BLOC1S3: variants seen among roughly 807,000 people sequenced by gnomAD.
BLOC1S3 encodes the protein biogenesis of lysosomal organelles complex 1 subunit 3, also known as biogenesis of lysosome-related organelles complex 1 subunit 3.
In BLOC1S3, 7 loss-of-function variants were observed where a neutral mutation model predicts 9.1. The observed-to-expected ratio is 0.77, with a 90% CI of 0.44 to 1.45. The LOEUF is 1.45. Ranked by LOEUF, BLOC1S3 falls within the 40% of genes most tolerant of loss-of-function variation. BLOC1S3 has a pLI of 0.01. For missense variants in BLOC1S3, 307 were observed against 315.2 expected (o/e 0.97, Z 0.20); for synonymous variants, 145 against 158.4 (o/e 0.92, Z 0.64).
intron 3 of BLOC1S3, among the ~76,000 whole-genome samples, chr19:45,208,723 C>G (rs1245188370): frequency 6.6e-6 from 1 of 150,932 alleles, no homozygotes; most frequent in Non-Finnish European, 1.5e-5. Flanking sequence ...CCATTGCACT[C>G]CAGCCTGGGC....
chr19:45,199,859 G>C (rs2122924002), intron 2 of BLOC1S3, among the ~76,000 whole-genome samples: 1 of 151,960 alleles, frequency 6.6e-6, no homozygotes, highest in Non-Finnish European at 1.5e-5. Flanking sequence ...TCCACTTCCT[G>C]CGTTCAATCA....
At chr19:45,199,860 C>T (rs917457755) in intron 2 of BLOC1S3, among the ~76,000 whole-genome samples, 2 of 151,702 alleles carry the variant, frequency 1.3e-5, no homozygotes, top group Non-Finnish European at 2.9e-5. Context: ...CCACTTCCTG[C>T]GTTCAATCAA....
chr19:45,210,083 A>G (rs1207506026), intron 3 of BLOC1S3, among the ~76,000 whole-genome samples: 1 of 152,146 alleles, frequency 6.6e-6, no homozygotes, highest in Non-Finnish European at 1.5e-5. Flanking sequence ...ATGCACATGA[A>G]AAACATCAGT....
At chr19:45,191,009 G>A (rs1969603328) in intron 2 of BLOC1S3, among the ~76,000 whole-genome samples, 2 of 150,530 alleles carry the variant, frequency 1.3e-5, no homozygotes, top group East Asian at 2.0e-4. Context: ...GTTTCACCAT[G>A]TTAGTCAGGA....
At chr19:45,205,265 A>G (rs1969718640) in intron 3 of BLOC1S3, among the ~76,000 whole-genome samples, 2 of 152,006 alleles carry the variant, frequency 1.3e-5, no homozygotes, top group Admixed American at 6.6e-5. Flanking sequence ...TCCCGGGTTC[A>G]AGCAATTCTC....
chr19:45,184,006 G>A (rs1969547809), downstream of BLOC1S3, among the ~76,000 whole-genome samples: 1 of 152,158 alleles, frequency 6.6e-6, no homozygotes, highest in South Asian at 2.1e-4. Context: ...TGGCAGCTTA[G>A]TGGTCTCATG....
At chr19:45,202,236 A>AG (rs1969697045) in intron 2 of BLOC1S3, among the ~76,000 whole-genome samples, 1 of 147,054 alleles carries the variant, frequency 6.8e-6, no homozygotes, top group Non-Finnish European at 1.5e-5. Flanking sequence ...AAAAAAAAAA[A>AG]AGACGTGCCT....
intron 2 of BLOC1S3, among the ~76,000 whole-genome samples, chr19:45,195,976 G>T (rs146992532): frequency 6.6e-6 from 1 of 152,110 alleles, no homozygotes; most frequent in African/African-American, 2.4e-5. Flanking sequence ...TTACTTATAC[G>T]GTGACCAAGC....
At chr19:45,209,512 C>T (rs917421937) in intron 3 of BLOC1S3, among the ~76,000 whole-genome samples, 3 of 152,140 alleles carry the variant, frequency 2.0e-5, no homozygotes, top group African/African-American at 7.2e-5. Context: ...AGCTCCGCCT[C>T]CCGGTTTCAC....
At chr19:45,200,248 C>T (rs1308562051) in intron 2 of BLOC1S3, among the ~76,000 whole-genome samples, 1 of 147,632 alleles carries the variant, frequency 6.8e-6, no homozygotes, top group East Asian at 2.0e-4. Flanking sequence ...GTGACACGAT[C>T]TCCGCTCACT....
At chr19:45,184,119 C>G (rs1011170297), downstream of BLOC1S3, among the ~76,000 whole-genome samples, 1 of 152,024 alleles carries the variant, frequency 6.6e-6, no homozygotes, top group Non-Finnish European at 1.5e-5. Flanking sequence ...TCCCTCCCTC[C>G]TTCCTTCCTT....
chr19:45,179,419 G>A lies in BLOC1S3; in HGVS notation c.123G>A (p.Leu41=), dbSNP rs1313411888. 1 of 1,546,612 alleles carries A rather than the reference G, an allele frequency of 6.5e-7. No individual in the cohort carries two copies. Among genetic ancestry groups the A allele is most frequent in the Non-Finnish European group, 8.7e-7 (1 of 1,153,752 alleles). The part of the protein sequence containing the change: ...ASSSEEEELY[L]GPSGPTRGRP... ...CGTCGGAGGAGGAGGAGCTGTACCT[G>A]GGTCCTTCGGGCCCGACGCGCGGCC... Residue 41 remains leucine (L), a synonymous_variant, in exon 2 of 2, where the codon CTG becomes CTA. Coordinates refer to ENST00000433642, the MANE Select transcript of BLOC1S3 (RefSeq NM_212550.5). The surrounding 1 kb of genome is among the most constrained non-coding windows in gnomAD (Gnocchi z 4.6).
chr19:45,213,915 C>T (rs1969806247), intron 3 of BLOC1S3, among the ~76,000 whole-genome samples: 1 of 152,010 alleles, frequency 6.6e-6, no homozygotes, highest in African/African-American at 2.4e-5. Context: ...GATCGCGCCA[C>T]TGCAGTCCAG....
At chr19:45,189,616 G>GTTTTTTTTTTTTTTTTTTTTT in intron 2 of BLOC1S3, among the ~76,000 whole-genome samples, 1 of 132,934 alleles carries the variant, frequency 7.5e-6, no homozygotes, top group Non-Finnish European at 1.6e-5. Context: ...TTTTTTTTTG[G>GTTTTTTTTTTTTTTTTTTTTT]TATTTTTTAG....
intron 3 of BLOC1S3, among the ~76,000 whole-genome samples, chr19:45,210,348 G>A (rs1406766744): frequency 8.3e-6 from 1 of 119,786 alleles, no homozygotes; most frequent in African/African-American, 3.3e-5. Flanking sequence ...CTCTTAGGCT[G>A]GAGTGCAGGG....
Position 45,179,768 on chromosome 19 carries a change from C to A in BLOC1S3, c.472C>A (p.His158Asn). 1 of 1,522,250 alleles carries A rather than the reference C, an allele frequency of 6.6e-7. No homozygotes were observed. Among genetic ancestry groups the A allele is most frequent in the Non-Finnish European group, 8.8e-7 (1 of 1,142,132 alleles). 94.3% of individuals were successfully genotyped at this position (1,522,250 alleles called of 1,614,324 possible). A position where few individuals can be genotyped will look rare whatever the true frequency, so the allele number is the denominator to read the frequency against. ...CCAGGCGGCGGGGCTGGCGGCGGCC[C>A]ACAGCGTGCGCCTGGCGCGCGGGGA... is the stretch of plus-strand genomic sequence containing the variant. ...AAQAAGLAAA[H>N]SVRLARGDLC... Residue 158 changes from histidine (H) to asparagine (N), a missense_variant, in exon 2 of 2, where the codon CAC becomes AAC. Coordinates refer to ENST00000433642, the MANE Select transcript of BLOC1S3 (RefSeq NM_212550.5). This position sits in a 1 kb window ranked among gnomAD's most constrained non-coding sequence, Gnocchi z 4.6.
rs750035810 is a variant in BLOC1S3 at position 45,179,957 on chromosome 19, C to T, written c.*52C>T. On this transcript the variant is annotated 3_prime_UTR_variant, in exon 2 of 2. Coordinates refer to ENST00000433642, the MANE Select transcript of BLOC1S3 (RefSeq NM_212550.5). This position sits in a 1 kb window ranked among gnomAD's most constrained non-coding sequence, Gnocchi z 4.6. ...GCAATTTGGGGGTAGGCCTTGCTGC[C>T]TCTGGGACCTGACTCTGTCTCCTGT... 11 of 1,577,108 alleles carry T rather than the reference C, an allele frequency of 7.0e-6. No individual in the cohort carries two copies. In the Admixed American group the frequency reaches 1.2e-4, roughly 18 times the overall value.
intron 3 of BLOC1S3, among the ~76,000 whole-genome samples, chr19:45,204,976 C>T (rs1000392209): frequency 1.3e-5 from 2 of 151,992 alleles, no homozygotes; most frequent in African/African-American, 4.8e-5. Flanking sequence ...TCGCGTAATC[C>T]CCCCACCTTG....
At chr19:45,213,401 T>C in intron 3 of BLOC1S3, 1 of 1,603,080 alleles carries the variant, frequency 6.2e-7, no homozygotes. Flanking sequence ...TCCCCAGCTC[T>C]AGACACACAC....
Sources: gnomAD v4.1 joint callset for allele counts (sites outside exome capture counted in the v4.1 genomes callset) on GRCh38, gnomAD v4.1.1 for gene constraint, Gnocchi (gnomAD v3.1) non-coding constraint, MANE v1.5 for transcripts, NCBI Gene and HGNC (gene_info 2026-07-23, HGNC 2026-07-21) for gene names.